MAGI1: variants seen among roughly 807,000 people sequenced by gnomAD.
The protein encoded by MAGI1 is membrane associated guanylate kinase, WW and PDZ domain containing 1, also known as membrane-associated guanylate kinase, WW and PDZ domain-containing protein 1.
A neutral mutation model predicts 139.9 loss-of-function variants in MAGI1; 58 were observed. The observed-to-expected ratio is 0.41, with a 90% CI of 0.34 to 0.52. MAGI1 has a LOEUF of 0.52. Ranked by LOEUF, MAGI1 falls within the 20% of genes least tolerant of loss-of-function variation. The probability of loss-of-function intolerance (pLI) is 0.12; values close to 1 mark genes in which losing one functional copy is unlikely to be tolerated. For synonymous variants in MAGI1, 812 were observed against 737.9 expected (o/e 1.10, Z -1.63); for missense variants, 1,874 against 1,901.6 (o/e 0.99, Z 0.27).
At chr3:66,013,142 G>A (rs1205527921) in intron 1 of MAGI1, among the ~76,000 whole-genome samples, 5 of 152,070 alleles carry the variant, frequency 3.3e-5, no homozygotes, top group Non-Finnish European at 1.5e-5. Context: ...AGCGGCTCAC[G>A]CCTGCAATCC....
At position 65,355,093 on chromosome 3, in the gene MAGI1, C is replaced by A. The variant is rs1159528245; in HGVS notation, c.*1285G>T. 1.3e-5 allele frequency: 2 copies of A among 152,552 alleles called. No individual in the cohort carries two copies. Among genetic ancestry groups the A allele is most frequent in the Admixed American group, 6.6e-5 (1 of 15,266 alleles). The allele number at this position is 152,552 out of a possible 1,614,324, so 9.4% of individuals were successfully genotyped here. ...GCAGTAATCCACTTAAACCACATCC[C>A]GGGGCTACGGCCGACCCAACCACAG... On this transcript the variant is annotated 3_prime_UTR_variant, in exon 23 of 23. Transcript: ENST00000402939.
intron 2 of MAGI1, among the ~76,000 whole-genome samples, chr3:65,502,194 C>A (rs2077108445): frequency 6.6e-6 from 1 of 152,078 alleles, no homozygotes; most frequent in Non-Finnish European, 1.5e-5. Flanking sequence ...AGCTTTACCT[C>A]AAATGGAAAA....
intron 1 of MAGI1, among the ~76,000 whole-genome samples, chr3:66,023,305 A>AT (rs1243703682): frequency 6.6e-6 from 1 of 152,196 alleles, no homozygotes; most frequent in African/African-American, 2.4e-5. Flanking sequence ...ACCAAGTAAG[A>AT]TTTTAACCCT....
intron 1 of MAGI1, among the ~76,000 whole-genome samples, chr3:65,931,540 C>CTGTA (rs2062808393): frequency 6.6e-6 from 1 of 152,180 alleles, no homozygotes; most frequent in South Asian, 2.1e-4. Context: ...GTGGCAGACA[C>CTGTA]TGTAGTCCCT....
chr3:65,707,320 T>A (rs542617328), intron 1 of MAGI1, among the ~76,000 whole-genome samples: 8 of 152,258 alleles, frequency 5.3e-5, no homozygotes, highest in Non-Finnish European at 1.2e-4. Flanking sequence ...AACCATGCAA[T>A]TGAGATGGCA....
At chr3:65,493,745 G>T (rs1559605625) in intron 2 of MAGI1, 114 bp from the exon 3 acceptor site, 1 of 1,210,950 alleles carries the variant, frequency 8.3e-7, no homozygotes, top group Non-Finnish European at 1.2e-6. Context: ...CTAAGACTCT[G>T]CTGCCTCATC....
At chr3:65,551,234 C>G (rs896535509) in intron 2 of MAGI1, among the ~76,000 whole-genome samples, 1 of 152,150 alleles carries the variant, frequency 6.6e-6, no homozygotes, top group African/African-American at 2.4e-5. Flanking sequence ...CCCCTTCTGC[C>G]GTGATTCTAA....
chr3:65,509,376 C>A (rs1353354475), intron 2 of MAGI1, among the ~76,000 whole-genome samples: 1 of 152,134 alleles, frequency 6.6e-6, no homozygotes, highest in South Asian at 2.1e-4. Flanking sequence ...GTGATTTCTG[C>A]GTTTCCATCT....
At chr3:65,950,473 T>C (rs755757549) in intron 1 of MAGI1, among the ~76,000 whole-genome samples, 1 of 152,164 alleles carries the variant, frequency 6.6e-6, no homozygotes, top group East Asian at 1.9e-4. Flanking sequence ...AGAAAGTATG[T>C]TGAGAATCCA....
At chr3:65,503,889 C>T (rs139143309) in intron 2 of MAGI1, among the ~76,000 whole-genome samples, 41 of 152,276 alleles carry the variant, frequency 2.7e-4, no homozygotes, top group Non-Finnish European at 3.8e-4. Flanking sequence ...TCCAAAGGAA[C>T]TATTCAAACC....
intron 6 of MAGI1, among the ~76,000 whole-genome samples, chr3:65,450,534 C>T (rs376939520): frequency 7.9e-5 from 12 of 152,152 alleles, no homozygotes; most frequent in African/African-American, 1.7e-4. Context: ...TTGTATATTA[C>T]GTAATTTGGG....
At chr3:65,408,354 GAACTGTATTAA>G (rs1945521383) in intron 12 of MAGI1, among the ~76,000 whole-genome samples, 1 of 152,144 alleles carries the variant, frequency 6.6e-6, no homozygotes. Context: ...ATGAGGAGAG[GAACTGTATTAA>G]AGAACACAGG....
chr3:65,768,493 C>T (rs115635418), intron 1 of MAGI1, among the ~76,000 whole-genome samples: 4,275 of 152,146 alleles, frequency 0.028, 79 homozygotes, highest in African/African-American at 0.037. Flanking sequence ...GCAAAGGTTG[C>T]TTGTCTCAGT....
At chr3:66,025,721 T>C (rs966923385) in intron 1 of MAGI1, among the ~76,000 whole-genome samples, 2 of 152,202 alleles carry the variant, frequency 1.3e-5, no homozygotes, top group Non-Finnish European at 2.9e-5. Context: ...TGTGTGTGTG[T>C]ATGTGTACGT....
intron 2 of MAGI1, among the ~76,000 whole-genome samples, chr3:65,531,495 C>T (rs748325756): frequency 6.6e-6 from 1 of 152,044 alleles, no homozygotes; most frequent in Admixed American, 6.6e-5. Context: ...AGTTATAACA[C>T]ACAATTATTA....
intron 3 of MAGI1, among the ~76,000 whole-genome samples, chr3:65,490,661 C>G (rs138331891): frequency 6.6e-6 from 1 of 151,624 alleles, no homozygotes; most frequent in Non-Finnish European, 1.5e-5. Flanking sequence ...CTGGCCAACA[C>G]GGTGAAACCC....
chr3:65,668,668 T>C (rs1328099141), intron 1 of MAGI1, among the ~76,000 whole-genome samples: 1 of 149,656 alleles, frequency 6.7e-6, no homozygotes, highest in African/African-American at 2.5e-5. Context: ...CTAGGTTCAA[T>C]TGATTCTGCT....
At chr3:65,933,651 G>C (rs1412266620) in intron 1 of MAGI1, among the ~76,000 whole-genome samples, 1 of 152,188 alleles carries the variant, frequency 6.6e-6, no homozygotes, top group Non-Finnish European at 1.5e-5. Context: ...ATTGGGAGGA[G>C]AGGAGGGGTC....
At chr3:65,852,549 G>T in intron 1 of MAGI1, among the ~76,000 whole-genome samples, 1 of 150,424 alleles carries the variant, frequency 6.6e-6, no homozygotes. Flanking sequence ...TATTGCCCAG[G>T]CTGGAGCACA....
Sources: gnomAD v4.1 joint callset for allele counts (sites outside exome capture counted in the v4.1 genomes callset) on GRCh38, gnomAD v4.1.1 for gene constraint, MANE v1.5 for transcripts, NCBI Gene and HGNC (gene_info 2026-07-23, HGNC 2026-07-21) for gene names.